Variants in CELF2 observed in about 807,000 individuals in gnomAD.
The protein encoded by CELF2 is CUGBP Elav-like family member 2, also known as CUG triplet repeat RNA-binding protein 2.
Under a neutral mutation model 62.6 loss-of-function variants are expected in CELF2, and 8 were observed. The ratio of observed to expected loss-of-function variants is 0.13; its 90% CI spans 0.07 to 0.23. The LOEUF is 0.23. Among genes scored for constraint, CELF2 ranks in the 10% least tolerant of loss-of-function variants. CELF2 has a pLI of 1.00. For missense variants in CELF2, 333 were observed against 671.0 expected (o/e 0.50, Z 5.56); for synonymous variants, 258 against 250.0 (o/e 1.03, Z -0.30).
the CELF2 span, among the ~76,000 whole-genome samples, chr10:10,608,954 G>A: frequency 2.0e-5 from 3 of 152,138 alleles, no homozygotes; most frequent in African/African-American, 7.2e-5. Flanking sequence ...TGGGGGCAGG[G>A]CATGTGACTG....
chr10:10,569,588 A>C, the CELF2 span, among the ~76,000 whole-genome samples: 1 of 152,236 alleles, frequency 6.6e-6, no homozygotes, highest in African/African-American at 2.4e-5. Context: ...AGCTAGGGTT[A>C]AGATGTGTGT....
the CELF2 span, among the ~76,000 whole-genome samples, chr10:10,627,424 A>G: frequency 6.6e-6 from 1 of 152,232 alleles, no homozygotes; most frequent in Admixed American, 6.5e-5. Flanking sequence ...ATCAGTTTAC[A>G]TCTGAGATCA....
the CELF2 span, among the ~76,000 whole-genome samples, chr10:10,669,530 T>G: frequency 9.9e-5 from 15 of 152,154 alleles, no homozygotes; most frequent in African/African-American, 3.4e-4. Context: ...CATAACACAT[T>G]CTTTCTAAAG....
the CELF2 span, among the ~76,000 whole-genome samples, chr10:10,787,425 A>C: frequency 2.3e-3 from 347 of 152,354 alleles, 2 homozygotes; most frequent in African/African-American, 8.1e-3. Context: ...AAACAGAGAA[A>C]TTAGAAAAAA....
chr10:10,945,150 G>A (rs181284361), intron 2 of CELF2, among the ~76,000 whole-genome samples: 30 of 152,312 alleles, frequency 2.0e-4, no homozygotes, highest in African/African-American at 5.3e-4. Flanking sequence ...GCCTAAGAAC[G>A]GATGGGAGCC....
At chr10:10,693,990 G>GT in the CELF2 span, among the ~76,000 whole-genome samples, 2 of 150,948 alleles carry the variant, frequency 1.3e-5, no homozygotes, top group Non-Finnish European at 2.9e-5. Flanking sequence ...TTTTTGAAGG[G>GT]TTTTTTGTGT....
chr10:10,943,116 T>C (rs1288025200), intron 2 of CELF2, among the ~76,000 whole-genome samples: 1 of 152,232 alleles, frequency 6.6e-6, no homozygotes, highest in African/African-American at 2.4e-5. Flanking sequence ...TTGTCCTTCC[T>C]GTCTATATAA....
chr10:11,061,631 G>A (rs191705336), intron 1 of CELF2, among the ~76,000 whole-genome samples: 12 of 152,318 alleles, frequency 7.9e-5, no homozygotes, highest in Admixed American at 7.8e-4. Context: ...AGGACAGATT[G>A]ATTATCTTAT....
chr10:10,694,183 A>T, the CELF2 span, among the ~76,000 whole-genome samples: 1 of 151,266 alleles, frequency 6.6e-6, no homozygotes, highest in African/African-American at 2.4e-5. Flanking sequence ...ACTGCTTTCA[A>T]TGCGTCCCAG....
At chr10:10,913,272 A>G (rs2063972109) in intron 1 of CELF2, among the ~76,000 whole-genome samples, 1 of 152,102 alleles carries the variant, frequency 6.6e-6, no homozygotes, top group African/African-American at 2.4e-5. Context: ...TTAACAGAGA[A>G]GAAACTTTCA....
chr10:11,105,065 T>C (rs987262056), intron 1 of CELF2, among the ~76,000 whole-genome samples: 1 of 152,248 alleles, frequency 6.6e-6, no homozygotes, highest in Admixed American at 6.5e-5. Flanking sequence ...GATTTCCTGA[T>C]GAGCAAAACT....
chr10:11,314,012 C>T lies in CELF2; in HGVS notation c.977-127C>T. On this transcript the variant is annotated intron_variant, in intron 9 of 12. Transcript: ENST00000633077. This position sits in a 1 kb window ranked among gnomAD's most constrained non-coding sequence, Gnocchi z 5.3. ...TGCCACAAGTACAATCCCACATGTC[C>T]TTCACCCAAAGCCACAAGCACAGCT... 2.0e-6 allele frequency: 2 copies of T among 977,578 alleles called. No individual in the cohort carries two copies. The highest frequency in any genetic ancestry group is 3.2e-5 in the South Asian group (2 of 63,436). The allele number at this position is 977,578 out of a possible 1,614,324, so 60.6% of individuals were successfully genotyped here.
intron 1 of CELF2, among the ~76,000 whole-genome samples, chr10:10,876,890 G>A (rs927286574): frequency 1.3e-5 from 2 of 152,242 alleles, no homozygotes; most frequent in African/African-American, 4.8e-5. Context: ...GTGCATGTGT[G>A]TTTGTGTGCA....
chr10:10,533,066 A>T, the CELF2 span, among the ~76,000 whole-genome samples: 1 of 152,186 alleles, frequency 6.6e-6, no homozygotes, highest in Non-Finnish European at 1.5e-5. Context: ...TGTAACTGAG[A>T]AGAAATAGTG....
At chr10:10,626,806 C>T in the CELF2 span, among the ~76,000 whole-genome samples, 3 of 152,154 alleles carry the variant, frequency 2.0e-5, no homozygotes, top group Non-Finnish European at 4.4e-5. Flanking sequence ...TCCTTAATCA[C>T]GTGTTTACAA....
At chr10:10,572,659 C>G in the CELF2 span, among the ~76,000 whole-genome samples, 1 of 152,126 alleles carries the variant, frequency 6.6e-6, no homozygotes, top group African/African-American at 2.4e-5. Flanking sequence ...CTCCCAGCTC[C>G]AACTGTGTCC....
Position 10,893,334 on chromosome 10 carries a change from T to C in CELF2, c.54-26630T>C, listed in dbSNP as rs1039691483. On this transcript the variant is annotated intron_variant, in intron 1 of 13. Transcript: ENST00000636488. The stretch of plus-strand genomic sequence containing the variant: ...CCCTAAGATTATGGAAGTGCCATGA[T>C]ACATGAGGCTTCCAACAGTTCCTTT... Among the ~76,000 whole-genome samples, 112 of 152,196 alleles carry C rather than the reference T, an allele frequency of 7.4e-4. 1 individual carries two copies. The highest frequency in any genetic ancestry group is 2.7e-3 in the African/African-American group (110 of 41,450).
At chr10:10,563,942 A>G in the CELF2 span, among the ~76,000 whole-genome samples, 6 of 152,212 alleles carry the variant, frequency 3.9e-5, no homozygotes, top group Admixed American at 2.0e-4. Flanking sequence ...TATCAAAGTG[A>G]CACTTGGTTC....
intron 1 of CELF2, among the ~76,000 whole-genome samples, chr10:11,057,526 G>T (rs2065580196): frequency 1.3e-5 from 2 of 152,206 alleles, no homozygotes; most frequent in African/African-American, 4.8e-5. Flanking sequence ...AGGAGCCTCA[G>T]CCACGGCCTT....
Sources: gnomAD v4.1 joint callset for allele counts (sites outside exome capture counted in the v4.1 genomes callset) on GRCh38, gnomAD v4.1.1 for gene constraint, Gnocchi (gnomAD v3.1) non-coding constraint, MANE v1.5 for transcripts, NCBI Gene and HGNC (gene_info 2026-07-23, HGNC 2026-07-21) for gene names.